PSG7: variants seen among roughly 807,000 people sequenced by gnomAD.
The protein encoded by PSG7 is pregnancy-specific beta-1-glycoprotein 7.
Under a neutral mutation model 45.6 loss-of-function variants are expected in PSG7, and 57 were observed. The ratio of observed to expected loss-of-function variants is 1.25; its 90% CI spans 1.01 to 1.56. The LOEUF (loss-of-function observed/expected upper bound fraction) is 1.56, where lower values mean the gene tolerates loss of function less well. PSG7 is among the 40% of genes most tolerant of loss of function. PSG7 has a pLI of 0.00. For missense variants in PSG7, 796 were observed against 508.4 expected (o/e 1.57, Z -5.44); for synonymous variants, 298 against 194.4 (o/e 1.53, Z -4.43).
chr19:42,935,609 G>C lies in PSG7; in HGVS notation c.225C>G (p.Leu75=), dbSNP rs1165258175. The C allele has an allele frequency of 6.2e-7, 1 of 1,612,086 alleles. No individual in the cohort carries two copies. The highest frequency in any genetic ancestry group is 8.5e-7 in the Non-Finnish European group (1 of 1,179,112). ...CTATATATGATGTAACATAATGGTAGAGGTCCCTGATTTGTCCTTTGTACC... is the reference window on the plus strand; with the variant it reads ...CTATATATGATGTAACATAATGGTACAGGTCCCTGATTTGTCCTTTGTACC... ...YIWYKGQIRD[L]YHYVTSYIVD... Residue 75 remains leucine, a synonymous_variant, in exon 2 of 6, where the codon CTC becomes CTG. Transcript: ENST00000406070.
At position 42,936,037 on chromosome 19, in the gene PSG7, GT is replaced by G; in HGVS notation, c.65-269del. On this transcript the variant is annotated intron_variant, in intron 1 of 5. Coordinates refer to ENST00000406070, the MANE Select transcript of PSG7 (RefSeq NM_002783.3). ...ACACTCCTGACTTTGGCATTTTTCT[GT>G]TTGGAATCCTCTTCCCCAGGGGTCC... is the stretch of plus-strand genomic sequence containing the variant. 4.9e-6 allele frequency: 3 copies of G among 613,478 alleles called. 1 individual carries two copies. Among genetic ancestry groups the G allele is most frequent in the Non-Finnish European group, 7.5e-6 (3 of 401,972 alleles). 38.0% of individuals were successfully genotyped at this position (613,478 alleles called of 1,614,324 possible). A position where few individuals can be genotyped will look rare whatever the true frequency, so the allele number is the denominator to read the frequency against.
chr19:42,933,877 C>T (rs1418511506), intron 2 of PSG7, among the ~76,000 whole-genome samples: 3 of 151,202 alleles, frequency 2.0e-5, no homozygotes, highest in Admixed American at 6.6e-5. Flanking sequence ...GGTGGGGTGG[C>T]TTTAGGGGCA....
Position 42,926,008 on chromosome 19 carries a change from T to C in PSG7, c.1008A>G (p.Arg336=). 1 of 1,611,898 alleles carries C rather than the reference T, an allele frequency of 6.2e-7. No homozygotes were observed. Among genetic ancestry groups the C allele is most frequent in the East Asian group, 2.2e-5 (1 of 44,794 alleles). The part of the protein sequence containing the change: ...LNVLYGPDLP[R]IYPSFTYYHS... ...GGTAATAGGTGAATGAAGGGTAAAT[T>C]CTGGGGAGGTCTGGACCATCTGGAG... The change falls in exon 5 of 6, where the codon AGA becomes AGG. Residue 336 remains arginine, a synonymous_variant. Coordinates refer to ENST00000406070, the MANE Select transcript of PSG7 (RefSeq NM_002783.3).
chr19:42,931,240 G>T (rs1404622110), intron 2 of PSG7, among the ~76,000 whole-genome samples: 1 of 151,618 alleles, frequency 6.6e-6, no homozygotes, highest in Non-Finnish European at 1.5e-5. Flanking sequence ...AAACATCTAA[G>T]ATCAATTGCT....
intron 2 of PSG7, among the ~76,000 whole-genome samples, chr19:42,932,813 T>A (rs1320334152): frequency 6.6e-6 from 1 of 151,598 alleles, no homozygotes; most frequent in Non-Finnish European, 1.5e-5. Context: ...AAGAGGGAAC[T>A]GAATTCTGCT....
At chr19:42,926,410 G>A (rs370055449) in intron 4 of PSG7, 28 bp downstream of exon 4, 10 of 1,609,352 alleles carry the variant, frequency 6.2e-6, no homozygotes, top group Non-Finnish European at 8.5e-6. Context: ...GGCCCACAGA[G>A]GAAGAAAGGA....
rs140551740 is a variant in PSG7 at position 42,934,984 on chromosome 19, T to C, written c.430+420A>G. 7.8e-3 allele frequency among the ~76,000 whole-genome samples: 1,182 copies of C among 151,730 alleles called. 44 individuals carry two copies. Among genetic ancestry groups the C allele is most frequent in the African/African-American group, 0.026 (1,075 of 41,358 alleles). On this transcript the variant is annotated intron_variant, in intron 2 of 5. Coordinates refer to ENST00000406070, the MANE Select transcript of PSG7 (RefSeq NM_002783.3). ...TCCTGGCACAGGCTCCTCAGCTTTA[T>C]CTGGAGCAAGGATTTAGGGACAGGG...
At chr19:42,928,969 G>T (rs1428774486) in intron 3 of PSG7, among the ~76,000 whole-genome samples, 3 of 151,564 alleles carry the variant, frequency 2.0e-5, no homozygotes, top group Admixed American at 6.6e-5. Flanking sequence ...AATCTGTGAG[G>T]CAGGGGAGCT....
Position 42,929,498 on chromosome 19 carries a change from T to C in PSG7, c.653A>G (p.Glu218Gly), listed in dbSNP as rs1456221052. Residue 218 changes from glutamate (E) to glycine (G), a missense_variant, in exon 3 of 6, where the codon GAA (glutamate) becomes GGA (glycine). Physicochemically the swap from Glu to Gly is moderately conservative, Grantham distance 98. Transcript: ENST00000406070. ...GCTGGCACTCACTGGGTTCCGTATT[T>C]CACATTCATAGGGTCCTGCAGTATA... Reference protein sequence around the residue: ...TNYTAGPYECEIRNPVSASRS... With the variant: ...TNYTAGPYECGIRNPVSASRS... The C allele has an allele frequency of 1.2e-6, 2 of 1,612,460 alleles. No homozygotes were observed. The highest frequency in any genetic ancestry group is 1.7e-6 in the Non-Finnish European group (2 of 1,179,238).
rs1318190287 is a variant in PSG7, at chr19:42,933,296, TA to T, written c.430+2107del. Among the ~76,000 whole-genome samples the T allele has an allele frequency of 6.6e-3, 109 of 16,454 alleles. 8 individuals carry two copies. The highest frequency in any genetic ancestry group is 0.012 in the African/African-American group (87 of 7,028). 10.8% of individuals were successfully genotyped at this position (16,454 alleles called of 152,430 possible). On this transcript the variant is annotated intron_variant, in intron 2 of 5. Coordinates refer to ENST00000406070, the MANE Select transcript of PSG7 (RefSeq NM_002783.3). The stretch of plus-strand genomic sequence containing the variant: ...ATATATATATATATATATATATATA[TA>T]TATATATATATTTTTTTTTTTTTTT...
At position 42,926,384 on chromosome 19, in the gene PSG7, G is replaced by T. The variant is rs189642954; in HGVS notation, c.988+54C>A. The T allele has an allele frequency of 3.9e-5, 63 of 1,602,670 alleles. 2 individuals are homozygous for T. The African/African-American group carries it at 6.7e-4, about 17-fold the overall frequency. Reference sequence around the variant, plus strand: ...GAGGACTGGCCTCTGGTCGTTTGGAGTTAAGCTGGTGTCCTGGCCCACAGA... The same window carrying T: ...GAGGACTGGCCTCTGGTCGTTTGGATTTAAGCTGGTGTCCTGGCCCACAGA... On this transcript the variant is annotated intron_variant, in intron 4 of 5. Transcript: ENST00000406070.
intron 3 of PSG7, chr19:42,926,949 C>G (rs1972907940): frequency 2.3e-6 from 2 of 853,902 alleles, no homozygotes; most frequent in East Asian, 2.8e-5. Context: ...AATTGAGCAG[C>G]AGTGCTGGGT....
At chr19:42,929,224 G>T in intron 3 of PSG7, 1 of 1,099,098 alleles carries the variant, frequency 9.1e-7, no homozygotes, top group East Asian at 2.5e-5. Flanking sequence ...ACAAGCTGTG[G>T]ACCCTGAGTC....
At chr19:42,931,911 A>G (rs1318826106) in intron 2 of PSG7, among the ~76,000 whole-genome samples, 1 of 151,576 alleles carries the variant, frequency 6.6e-6, no homozygotes. Flanking sequence ...CTCTTTTTGA[A>G]CTTTCCTGTT....
chr19:42,935,739 G>C lies in PSG7; in HGVS notation c.95C>G (p.Thr32Ser), dbSNP rs782068791. ...GGCTTCAATCGTGACTTGGGCTGTG[G>C]TGGGCGGGTTCCAGAAGTTTAAAAG... Reference protein sequence around the residue: ...ASLLNFWNPPTTAQVTIEAQP... With the variant: ...ASLLNFWNPPSTAQVTIEAQP... Residue 32 changes from threonine to serine, a missense_variant, in exon 2 of 6, where the codon ACC (threonine) becomes AGC (serine). Physicochemically the swap from Thr to Ser is moderately conservative, Grantham distance 58. Transcript: ENST00000406070. 1.9e-6 allele frequency: 3 copies of C among 1,611,334 alleles called. No individual in the cohort carries two copies. Among genetic ancestry groups the C allele is most frequent in the African/African-American group, 1.3e-5 (1 of 74,416 alleles).
At position 42,924,754 on chromosome 19, in the gene PSG7, T is replaced by C. The variant is rs1972488977; in HGVS notation, c.*54A>G. ...TATAGGGCTTCTGGAACAGAGTGGGTCTTGCTCTTTGAGGTTCCATGGGAG... is the reference window on the plus strand; with the variant it reads ...TATAGGGCTTCTGGAACAGAGTGGGCCTTGCTCTTTGAGGTTCCATGGGAG... On this transcript the variant is annotated 3_prime_UTR_variant, in exon 6 of 6. Transcript: ENST00000406070. 5.2e-6 allele frequency: 4 copies of C among 767,858 alleles called. No individual in the cohort carries two copies. In the East Asian group the frequency reaches 9.7e-5, roughly 19 times the overall value. 47.6% of individuals were successfully genotyped at this position (767,858 alleles called of 1,614,324 possible). A position where few individuals can be genotyped will look rare whatever the true frequency, so the allele number is the denominator to read the frequency against.
At chr19:42,933,301 ATATATATTTT>A (rs1242907268) in intron 2 of PSG7, among the ~76,000 whole-genome samples, 1 of 14,646 alleles carries the variant, frequency 6.8e-5, no homozygotes, top group African/African-American at 1.8e-4. Flanking sequence ...ATATATATAT[ATATATATTTT>A]TTTTTTTTTT....
chr19:42,935,871 AAG>A, intron 1 of PSG7, 102 bp from the exon 2 acceptor site: 1 of 999,726 alleles, frequency 1.0e-6, no homozygotes, highest in Admixed American at 3.1e-5. Context: ...CTCAGCCTTG[AAG>A]ACACACACAC....
In PSG7 at chr19:42,935,478, G is replaced by A. The variant is rs1257933061; in HGVS notation, c.356C>T (p.Ser119Phe). Residue 119 changes from serine to phenylalanine, a missense_variant, in exon 2 of 6, where the codon TCC (serine) becomes TTC (phenylalanine). By Grantham distance (155) the Ser-to-Phe change is radical (BLOSUM62 -2). Transcript: ENST00000406070. The part of the protein sequence containing the change: ...IQNVTQEDTG[S>F]YTLHIIKRGD... ...TCGCTTTATGATGTGTAAAGTGTAG[G>A]ATCCTGTGTCTTCCTGGGTGACATT... 2 of 1,612,188 alleles carry A rather than the reference G, an allele frequency of 1.2e-6. No homozygotes were observed. Among genetic ancestry groups the A allele is most frequent in the Admixed American group, 1.7e-5 (1 of 59,880 alleles).
Sources: gnomAD v4.1 joint callset for allele counts (sites outside exome capture counted in the v4.1 genomes callset) on GRCh38, gnomAD v4.1.1 for gene constraint, MANE v1.5 for transcripts, NCBI Gene and HGNC (gene_info 2026-07-23, HGNC 2026-07-21) for gene names.